The following SYTL5 variants were observed in gnomAD, a reference collection of about 807,000 sequenced individuals.
SYTL5 encodes synaptotagmin like 5, also known as synaptotagmin-like protein 5.
A neutral mutation model predicts 55.9 loss-of-function variants in SYTL5; 34 were observed. That is an observed-to-expected ratio of 0.61 (90% CI 0.46 to 0.81). The LOEUF (loss-of-function observed/expected upper bound fraction) is 0.81. SYTL5 is among the 30% of genes least tolerant of loss of function. SYTL5 has a pLI of 0.00. For synonymous variants in SYTL5, 221 were observed against 188.7 expected (o/e 1.17, Z -1.40); for missense variants, 637 against 546.7 (o/e 1.17, Z -1.65).
chrX:37,998,390 G>A, the SYTL5 span, among the ~76,000 whole-genome samples: 1 of 112,259 alleles, frequency 8.9e-6, no homozygotes, highest in Non-Finnish European at 1.9e-5. Context: ...TTGGGGCTCT[G>A]TGGTTCACTG....
chrX:38,050,994 T>C (rs1163958650), intron 2 of SYTL5, among the ~76,000 whole-genome samples: 2 of 112,357 alleles, frequency 1.8e-5, no homozygotes, highest in African/African-American at 6.5e-5. Flanking sequence ...AATCCCAACT[T>C]GCTTTCAGAA....
chrX:38,105,631 T>C (rs1460094930), intron 10 of SYTL5, among the ~76,000 whole-genome samples: 1 of 112,400 alleles, frequency 8.9e-6, no homozygotes, highest in Admixed American at 9.4e-5. Context: ...GCTTGACTTT[T>C]TCCTTTAGCT....
the SYTL5 span, among the ~76,000 whole-genome samples, chrX:37,989,945 T>C: frequency 9.0e-6 from 1 of 111,037 alleles, no homozygotes. Flanking sequence ...CGATCTCGGC[T>C]CACTGCAAAC....
the SYTL5 span, among the ~76,000 whole-genome samples, chrX:37,976,224 A>G: frequency 8.9e-6 from 1 of 112,906 alleles, no homozygotes; most frequent in Non-Finnish European, 1.9e-5. Flanking sequence ...GTTAGTGACT[A>G]CAGACTTCAA....
the SYTL5 span, among the ~76,000 whole-genome samples, chrX:37,912,208 G>A: frequency 5.4e-5 from 6 of 111,921 alleles, no homozygotes; most frequent in Non-Finnish European, 1.1e-4. Flanking sequence ...AATTTTTCCA[G>A]TAATGCACCT....
the SYTL5 span, among the ~76,000 whole-genome samples, chrX:37,922,152 G>C: frequency 9.0e-6 from 1 of 111,713 alleles, no homozygotes; most frequent in Non-Finnish European, 1.9e-5. Context: ...ATCAAATTTT[G>C]AAAATTGCCC....
the SYTL5 span, among the ~76,000 whole-genome samples, chrX:37,891,081 T>C: frequency 1.8e-5 from 2 of 111,953 alleles, no homozygotes; most frequent in African/African-American, 6.5e-5. Context: ...GGGAGCCTTA[T>C]AGTTTAAACA....
At chrX:38,083,471 T>C (rs1302635675) in intron 6 of SYTL5, among the ~76,000 whole-genome samples, 1 of 111,915 alleles carries the variant, frequency 8.9e-6, no homozygotes, top group Non-Finnish European at 1.9e-5. Context: ...TAGGATTCAT[T>C]TGGCACAATT....
chrX:38,068,605 A>G (rs936751028), intron 3 of SYTL5, among the ~76,000 whole-genome samples: 1 of 112,299 alleles, frequency 8.9e-6, no homozygotes, highest in Non-Finnish European at 1.9e-5. Flanking sequence ...CATAAAAATA[A>G]TGAAATCATA....
intron 14 of SYTL5, among the ~76,000 whole-genome samples, chrX:38,120,710 T>C (rs1007022583): frequency 8.2e-5 from 9 of 110,318 alleles, no homozygotes; most frequent in African/African-American, 3.0e-4. Flanking sequence ...GTCAGTTTTG[T>C]TTTATGTCCC....
chrX:38,118,943 ACG>A (rs1215349997), intron 13 of SYTL5, among the ~76,000 whole-genome samples: 1 of 85,791 alleles, frequency 1.2e-5, no homozygotes, highest in African/African-American at 5.0e-5. Context: ...ATATATATGT[ACG>A]CATATACATA....
the SYTL5 span, among the ~76,000 whole-genome samples, chrX:37,895,409 T>TTTCCTTCCTTCATTCCTTCCTTCC: frequency 5.6e-4 from 47 of 83,452 alleles, 1 homozygote; most frequent in African/African-American, 2.5e-3. Flanking sequence ...TAGTTTTTCT[T>TTTCCTTCCTTCATTCCTTCCTTCC]TTCCTTCCTT....
the SYTL5 span, among the ~76,000 whole-genome samples, chrX:37,954,799 A>G: frequency 8.9e-6 from 1 of 111,759 alleles, no homozygotes; most frequent in Non-Finnish European, 1.9e-5. Context: ...AAATGGACAT[A>G]TAGCAACATC....
At chrX:37,911,465 A>G in the SYTL5 span, among the ~76,000 whole-genome samples, 1 of 111,763 alleles carries the variant, frequency 8.9e-6, no homozygotes, top group Non-Finnish European at 1.9e-5. Flanking sequence ...GCTATTTTGC[A>G]GCTTGCTCTT....
At chrX:38,118,944 C>A (rs756362792) in intron 13 of SYTL5, among the ~76,000 whole-genome samples, 1 of 82,189 alleles carries the variant, frequency 1.2e-5, no homozygotes, top group Non-Finnish European at 2.2e-5. Context: ...TATATATGTA[C>A]GCATATACAT....
At chrX:38,121,145 C>G (rs770913266) in intron 14 of SYTL5, among the ~76,000 whole-genome samples, 7 of 110,994 alleles carry the variant, frequency 6.3e-5, no homozygotes, top group African/African-American at 2.3e-4. Flanking sequence ...TTTTAAACAA[C>G]CAGCTCTCAC....
Position 38,072,126 on chromosome X carries a change from G to T in SYTL5, c.409G>T (p.Asp137Tyr), listed in dbSNP as rs1936282789. The part of the protein sequence containing the change: ...RFKQVNVLGT[D>Y]VVRQSILRRS... The stretch of plus-strand genomic sequence containing the variant: ...CAAGCAAGTCAATGTTCTCGGCACT[G>T]ATGTTGTCCGACAGTCCATTTTAAG... Residue 137 changes from aspartate to tyrosine, a missense_variant, in exon 4 of 17, where the codon GAT becomes TAT. Coordinates refer to ENST00000297875, the MANE Select transcript of SYTL5 (RefSeq NM_138780.3). 8.3e-7 allele frequency: 1 copy of T among 1,208,008 alleles called. No homozygotes were observed. The highest frequency in any genetic ancestry group is 1.1e-6 in the Non-Finnish European group (1 of 893,673).
At chrX:37,907,471 C>A in the SYTL5 span, among the ~76,000 whole-genome samples, 1 of 112,132 alleles carries the variant, frequency 8.9e-6, no homozygotes, top group African/African-American at 3.2e-5. Context: ...CTTCCAATGT[C>A]GTCCCCGGGG....
chrX:37,999,082 A>G, the SYTL5 span, among the ~76,000 whole-genome samples: 7 of 112,470 alleles, frequency 6.2e-5, no homozygotes, highest in Admixed American at 6.6e-4. Context: ...AACAACAGTC[A>G]GACTGGTATA....
Sources: allele counts gnomAD v4.1 joint callset (sites outside exome capture counted in the v4.1 genomes callset), GRCh38; gene constraint gnomAD v4.1.1; transcripts MANE v1.5; gene names NCBI Gene and HGNC (gene_info 2026-07-23, HGNC 2026-07-21).